Variants in CPXM2 observed in about 807,000 individuals in gnomAD.
CPXM2 encodes the protein carboxypeptidase X, M14 family member 2, also known as inactive carboxypeptidase-like protein X2.
CPXM2 carries 66 observed loss-of-function variants against 86.1 expected under a neutral mutation model. The observed-to-expected ratio is 0.77, with a 90% CI of 0.63 to 0.94. The LOEUF is 0.94. Ranked by LOEUF, CPXM2 falls within the 40% of genes least tolerant of loss-of-function variation. The pLI is 0.00. For synonymous variants in CPXM2, 388 were observed against 400.2 expected (o/e 0.97, Z 0.36); for missense variants, 948 against 1,026.3 (o/e 0.92, Z 1.04).
chr10:123,902,380 C>G (rs778813928), intron 2 of CPXM2, among the ~76,000 whole-genome samples: 13 of 152,178 alleles, frequency 8.5e-5, no homozygotes, highest in Non-Finnish European at 1.8e-4. Flanking sequence ...CTGTCCTAAC[C>G]TGATAGAGAA....
chr10:123,923,160 C>T (rs1377793680), intron 2 of CPXM2, among the ~76,000 whole-genome samples: 4 of 152,042 alleles, frequency 2.6e-5, no homozygotes, highest in Admixed American at 6.5e-5. Flanking sequence ...AATTGGCCTG[C>T]GTTCTTCAAA....
chr10:123,936,735 T>A (rs377187460), intron 2 of CPXM2, among the ~76,000 whole-genome samples: 8 of 152,246 alleles, frequency 5.3e-5, no homozygotes, highest in African/African-American at 1.9e-4. Flanking sequence ...CACTCTCCCT[T>A]TGTCTCTCAC....
At chr10:123,835,647 C>T (rs967183589) in intron 4 of CPXM2, among the ~76,000 whole-genome samples, 6 of 152,322 alleles carry the variant, frequency 3.9e-5, no homozygotes, top group Admixed American at 3.3e-4. Context: ...CACCCTTAAG[C>T]GAGGAGACAC....
At chr10:123,881,229 T>TCCCCCCCCC (rs1564811040) in intron 1 of CPXM2, among the ~76,000 whole-genome samples, 11 of 89,680 alleles carry the variant, frequency 1.2e-4, no homozygotes, top group Non-Finnish European at 2.1e-4. Context: ...TGGAGCACCC[T>TCCCCCCCCC]TCTCTTCCCT....
intron 10 of CPXM2, among the ~76,000 whole-genome samples, chr10:123,765,294 T>C (rs1846443237): frequency 6.6e-6 from 1 of 152,236 alleles, no homozygotes; most frequent in African/African-American, 2.4e-5. Flanking sequence ...ATCTATCTAA[T>C]CTATCCACAA....
chr10:123,811,313 G>A (rs1013760490), intron 4 of CPXM2, among the ~76,000 whole-genome samples: 2 of 151,844 alleles, frequency 1.3e-5, no homozygotes, highest in Non-Finnish European at 2.9e-5. Context: ...CTCACCCCAC[G>A]ACAGGCCCTG....
At chr10:123,888,753 C>T (rs1217388491) in intron 1 of CPXM2, among the ~76,000 whole-genome samples, 1 of 152,200 alleles carries the variant, frequency 6.6e-6, no homozygotes, top group African/African-American at 2.4e-5. Context: ...AAATGTCACA[C>T]TTGTCTTGTC....
chr10:123,798,288 A>G (rs537000429), intron 5 of CPXM2, among the ~76,000 whole-genome samples, 162 bp from the exon 6 acceptor site: 1 of 151,044 alleles, frequency 6.6e-6, no homozygotes, highest in Admixed American at 6.6e-5. Context: ...TCAGGCCTGG[A>G]TCCTGCCCTC....
chr10:123,868,444 G>A (rs1944834088), intron 2 of CPXM2, among the ~76,000 whole-genome samples: 1 of 152,176 alleles, frequency 6.6e-6, no homozygotes, highest in Non-Finnish European at 1.5e-5. Flanking sequence ...AAGAAAGGCA[G>A]AGACGGCAGA....
In CPXM2 at chr10:123,865,573, C is replaced by A. The variant is rs1848956933; in HGVS notation, c.404-2850G>T. 6.6e-6 allele frequency among the ~76,000 whole-genome samples: 1 copy of A among 152,184 alleles called. No individual in the cohort carries two copies. Among genetic ancestry groups the A allele is most frequent in the South Asian group, 2.1e-4 (1 of 4,832 alleles). ...ATGACACTGTCCACCTCCTATCACA[C>A]CTCTGAGTTTCCACTCAACCTCACG... On this transcript the variant is annotated intron_variant, in intron 2 of 13. Transcript: ENST00000241305. The surrounding 1 kb of genome is among the most constrained non-coding windows in gnomAD (Gnocchi z 4.7).
At chr10:123,923,382 C>T (rs1395298983) in intron 2 of CPXM2, among the ~76,000 whole-genome samples, 2 of 150,212 alleles carry the variant, frequency 1.3e-5, no homozygotes, top group African/African-American at 4.9e-5. Flanking sequence ...AGATCGAGAC[C>T]ATCCTGGCTA....
intron 4 of CPXM2, among the ~76,000 whole-genome samples, chr10:123,803,554 A>G (rs1328900513): frequency 6.6e-6 from 1 of 152,158 alleles, no homozygotes; most frequent in Non-Finnish European, 1.5e-5. Flanking sequence ...TGTTTCTTCT[A>G]AAAAACGTTA....
At chr10:123,839,903 C>T (rs1848352279) in intron 4 of CPXM2, among the ~76,000 whole-genome samples, 1 of 152,166 alleles carries the variant, frequency 6.6e-6, no homozygotes, top group African/African-American at 2.4e-5. Flanking sequence ...TTAAAAGTAA[C>T]TCTTAAAGTA....
intron 1 of CPXM2, among the ~76,000 whole-genome samples, chr10:123,884,779 ATACCTGCCTGGTC>A (rs1254233524): frequency 3.3e-5 from 5 of 152,004 alleles, no homozygotes; most frequent in Non-Finnish European, 7.4e-5. Flanking sequence ...CTTCTCTGGG[ATACCTGCCTGGTC>A]AGTCCCACCC....
At chr10:123,926,057 T>C (rs1252778037) in intron 2 of CPXM2, among the ~76,000 whole-genome samples, 1 of 152,214 alleles carries the variant, frequency 6.6e-6, no homozygotes, top group Non-Finnish European at 1.5e-5. Flanking sequence ...GCCTGCCCTC[T>C]TCCACAGGAG....
Position 123,754,245 on chromosome 10 carries a change from C to A in CPXM2, c.2017+418G>T, listed in dbSNP as rs1355320319. On this transcript the variant is annotated intron_variant, in intron 13 of 13. Coordinates refer to ENST00000241305, the MANE Select transcript of CPXM2 (RefSeq NM_198148.3). The surrounding 1 kb of genome is among the most constrained non-coding windows in gnomAD (Gnocchi z 4.0). ...AAACTCTCCACTCCTCCACAAGTCA[C>A]CCAGTCTACAGCTTCTCCCTCTCCG... Among the ~76,000 whole-genome samples, 10 of 152,204 alleles carry A rather than the reference C, an allele frequency of 6.6e-5. No homozygotes were observed. Among genetic ancestry groups the A allele is most frequent in the Non-Finnish European group, 1.5e-4 (10 of 68,026 alleles).
At chr10:123,916,585 G>A (rs564015777) in intron 2 of CPXM2, among the ~76,000 whole-genome samples, 46 of 152,224 alleles carry the variant, frequency 3.0e-4, no homozygotes, top group African/African-American at 1.1e-3. Context: ...CTTTCCATGC[G>A]TGCATCTGGC....
rs1024802650 is a variant in CPXM2, at chr10:123,757,171, C to T, written c.1917+42G>A. On this transcript the variant is annotated intron_variant, in intron 12 of 13. Transcript: ENST00000241305. ...TCAGCCACCTCGGCAGCCTCATCCC[C>T]CAGCTAGTCCCCCTCATCCCAGCCA... 3.8e-6 allele frequency: 6 copies of T among 1,592,456 alleles called. No homozygotes were observed. In the African/African-American group the frequency reaches 8.1e-5, roughly 21 times the overall value.
At chr10:123,915,803 G>A (rs1472917673) in intron 2 of CPXM2, among the ~76,000 whole-genome samples, 1 of 152,136 alleles carries the variant, frequency 6.6e-6, no homozygotes, top group Non-Finnish European at 1.5e-5. Flanking sequence ...ACAGGGAACC[G>A]AGAAAGTGCT....
Sources: gnomAD v4.1 joint callset for allele counts (sites outside exome capture counted in the v4.1 genomes callset) on GRCh38, gnomAD v4.1.1 for gene constraint, Gnocchi (gnomAD v3.1) non-coding constraint, MANE v1.5 for transcripts, NCBI Gene and HGNC (gene_info 2026-07-23, HGNC 2026-07-21) for gene names.